ST3GAL1: variants seen among roughly 807,000 people sequenced by gnomAD.
ST3GAL1 encodes the protein ST3 beta-galactoside alpha-2,3-sialyltransferase 1.
ST3GAL1 carries 16 observed loss-of-function variants against 34.1 expected under a neutral mutation model. The ratio of observed to expected loss-of-function variants is 0.47; its 90% CI spans 0.32 to 0.71. The LOEUF (loss-of-function observed/expected upper bound fraction) is 0.71, where lower values mean the gene tolerates loss of function less well. ST3GAL1 is among the 30% of genes least tolerant of loss of function. The pLI is 0.04. For synonymous variants in ST3GAL1, 191 were observed against 184.7 expected (o/e 1.03, Z -0.28); for missense variants, 353 against 447.4 (o/e 0.79, Z 1.90).
intron 6 of ST3GAL1, 182 bp downstream of exon 6, chr8:133,465,712 G>T: frequency 1.7e-6 from 1 of 598,080 alleles, no homozygotes; most frequent in Non-Finnish European, 2.8e-6. Flanking sequence ...TTCCAATCCT[G>T]CAATGATGCA....
rs558267203 is a variant in ST3GAL1 at position 133,522,425 on chromosome 8, C to T, written c.-428-23236G>A. Among the ~76,000 whole-genome samples the T allele has an allele frequency of 7.2e-5, 11 of 152,268 alleles. No homozygotes were observed. The East Asian group carries it at 2.1e-3, about 29-fold the overall frequency. ...GCACAGTGTGGTTTGATCTCTACCC[C>T]TCTGGAAATGTGTTGCAATTCCAAG... On this transcript the variant is annotated intron_variant, in intron 2 of 9. Coordinates refer to ENST00000522652, the MANE Select transcript of ST3GAL1 (RefSeq NM_173344.3).
At chr8:133,505,182 C>T (rs1038697076) in intron 2 of ST3GAL1, among the ~76,000 whole-genome samples, 1 of 152,164 alleles carries the variant, frequency 6.6e-6, no homozygotes, top group Non-Finnish European at 1.5e-5. Flanking sequence ...GAAGCACTGA[C>T]AGCCTTCTTT....
At position 133,465,935 on chromosome 8, in the gene ST3GAL1, A is replaced by G. The variant is rs112787936; in HGVS notation, c.462T>C (p.Ser154=). 3,763 of 1,614,160 alleles carry G rather than the reference A, an allele frequency of 2.3e-3. 78 individuals are homozygous for G. The African/African-American group carries it at 0.044, about 19-fold the overall frequency. The change falls in exon 6 of 10, where the codon TCT becomes TCC. Residue 154 remains serine, a synonymous_variant. Coordinates refer to ENST00000522652, the MANE Select transcript of ST3GAL1 (RefSeq NM_173344.3). Reference sequence around the variant, plus strand: ...GACTGTCTATCTCAGGCCCATAAGAAGACTCCCTCAGGTTGCCCGAGTTGC... The same window carrying G: ...GACTGTCTATCTCAGGCCCATAAGAGGACTCCCTCAGGTTGCCCGAGTTGC... ...VVGNSGNLRE[S]SYGPEIDSHD...
At chr8:133,530,646 T>C (rs1160188779) in intron 2 of ST3GAL1, among the ~76,000 whole-genome samples, 1 of 152,152 alleles carries the variant, frequency 6.6e-6, no homozygotes, top group East Asian at 1.9e-4. Flanking sequence ...GCTTTTGTTG[T>C]TGTTGTTCTT....
intron 3 of ST3GAL1, among the ~76,000 whole-genome samples, chr8:133,490,888 G>GC (rs1193775342): frequency 1.3e-5 from 2 of 152,182 alleles, no homozygotes. Context: ...GTCTCCATGA[G>GC]CATGACTTGG....
intron 7 of ST3GAL1, 93 bp downstream of exon 7, chr8:133,464,685 C>T (rs111317929): frequency 2.8e-6 from 4 of 1,428,390 alleles, no homozygotes; most frequent in African/African-American, 2.8e-5. Context: ...GGAGGCACCC[C>T]GGTGGAGGCA....
At chr8:133,568,480 G>A (rs116030755) in intron 1 of ST3GAL1, among the ~76,000 whole-genome samples, 1,816 of 152,254 alleles carry the variant, frequency 0.012, 29 homozygotes, top group African/African-American at 0.041. Flanking sequence ...CTTTGTGACC[G>A]GGCCAGCTCT....
At chr8:133,464,321 T>C (rs1275039720) in intron 7 of ST3GAL1, among the ~76,000 whole-genome samples, 1 of 152,218 alleles carries the variant, frequency 6.6e-6, no homozygotes, top group Admixed American at 6.5e-5. Context: ...ACAGCCGCGT[T>C]GCTCAGCACT....
At chr8:133,551,878 T>C (rs952897701) in intron 1 of ST3GAL1, among the ~76,000 whole-genome samples, 9 of 152,232 alleles carry the variant, frequency 5.9e-5, no homozygotes, top group Non-Finnish European at 1.3e-4. Context: ...TCCTTGGATG[T>C]GTATACTATG....
At chr8:133,558,744 A>AT (rs1301452645) in intron 1 of ST3GAL1, among the ~76,000 whole-genome samples, 1 of 152,102 alleles carries the variant, frequency 6.6e-6, no homozygotes, top group East Asian at 1.9e-4. Flanking sequence ...CAGCCAGTAT[A>AT]TTTTTTTCTC....
intron 2 of ST3GAL1, among the ~76,000 whole-genome samples, chr8:133,541,040 TAGAC>T (rs1408106800): frequency 9.9e-6 from 1 of 100,858 alleles, no homozygotes; most frequent in Non-Finnish European, 2.1e-5. Context: ...TAGACATATA[TAGAC>T]ATATATATAG....
intron 2 of ST3GAL1, among the ~76,000 whole-genome samples, chr8:133,514,886 AG>A (rs1044140735): frequency 2.0e-5 from 3 of 151,968 alleles, no homozygotes; most frequent in African/African-American, 7.3e-5. Flanking sequence ...CCAAGGCAGG[AG>A]GGAAGCAACA....
In ST3GAL1 at chr8:133,570,567, T is replaced by C. The variant is rs1819537420; in HGVS notation, c.-582+1126A>G. On this transcript the variant is annotated intron_variant, in intron 1 of 9. Transcript: ENST00000522652. The surrounding 1 kb of genome is among the most constrained non-coding windows in gnomAD (Gnocchi z 5.6). ...CCAGCTGACGAGCAGAGCCAGACGA[T>C]CCCCACACGCTTCCTGGGAGACCCG... 6.6e-6 allele frequency among the ~76,000 whole-genome samples: 1 copy of C among 151,870 alleles called. No individual in the cohort carries two copies. The highest frequency in any genetic ancestry group is 2.4e-5 in the African/African-American group (1 of 41,326).
Position 133,461,285 on chromosome 8 carries a change from G to C in ST3GAL1, c.849+590C>G, listed in dbSNP as rs986827422. The stretch of plus-strand genomic sequence containing the variant: ...CAACATCAGGGAGGAAGTGGGGGCT[G>C]TGTGGCCTGCCCTCCTGCCCCTCTT... On this transcript the variant is annotated intron_variant, in intron 9 of 9. Coordinates refer to ENST00000522652, the MANE Select transcript of ST3GAL1 (RefSeq NM_173344.3). This position sits in a 1 kb window ranked among gnomAD's most constrained non-coding sequence, Gnocchi z 4.7. 2.6e-5 allele frequency among the ~76,000 whole-genome samples: 4 copies of C among 152,216 alleles called. No individual in the cohort carries two copies. Among genetic ancestry groups the C allele is most frequent in the Admixed American group, 2.6e-4 (4 of 15,288 alleles).
intron 2 of ST3GAL1, among the ~76,000 whole-genome samples, chr8:133,505,701 C>G (rs1490422753): frequency 6.6e-6 from 1 of 151,788 alleles, no homozygotes; most frequent in Non-Finnish European, 1.5e-5. Flanking sequence ...CTCCTGGGTT[C>G]AAGCGAGTCT....
At chr8:133,533,916 G>C (rs1174183093) in intron 2 of ST3GAL1, among the ~76,000 whole-genome samples, 2 of 152,214 alleles carry the variant, frequency 1.3e-5, no homozygotes, top group Non-Finnish European at 2.9e-5. Context: ...GCAACAGGGA[G>C]AGATGAGTAC....
rs529139900 is a variant in ST3GAL1 at position 133,460,059 on chromosome 8, T to C, written c.850-122A>G. On this transcript the variant is annotated intron_variant, in intron 9 of 9. Coordinates refer to ENST00000522652, the MANE Select transcript of ST3GAL1 (RefSeq NM_173344.3). ...CCATAAACAGCATTTCCAAGGACTC[T>C]GACTAACCCTTCATTAAAAACCCTT... 1.1e-5 allele frequency: 11 copies of C among 1,026,008 alleles called. No individual in the cohort carries two copies. In the East Asian group the frequency reaches 2.5e-4, roughly 23 times the overall value. The allele number at this position is 1,026,008 out of a possible 1,614,324, so 63.6% of individuals were successfully genotyped here. A position where few individuals can be genotyped will look rare whatever the true frequency, so the allele number is the denominator to read the frequency against.
At position 133,466,549 on chromosome 8, in the gene ST3GAL1, C is replaced by T. The variant is rs1815739899; in HGVS notation, c.307-459G>A. 6.6e-6 allele frequency among the ~76,000 whole-genome samples: 1 copy of T among 152,192 alleles called. No individual in the cohort carries two copies. The highest frequency in any genetic ancestry group is 1.5e-5 in the Non-Finnish European group (1 of 68,046). On this transcript the variant is annotated intron_variant, in intron 5 of 9. Transcript: ENST00000522652. The surrounding 1 kb of genome is among the most constrained non-coding windows in gnomAD (Gnocchi z 4.4). ...AGCTGTGTCTTACTCCCACCCTGCT[C>T]AGACACCAGGGCCCAGGGGTTGCGT...
intron 5 of ST3GAL1, among the ~76,000 whole-genome samples, chr8:133,472,993 A>G (rs1816026567): frequency 6.6e-6 from 1 of 152,186 alleles, no homozygotes; most frequent in Admixed American, 6.5e-5. Context: ...AACACGAAGG[A>G]GGCTGAGACT....
Sources: allele counts gnomAD v4.1 joint callset (sites outside exome capture counted in the v4.1 genomes callset), GRCh38; gene constraint gnomAD v4.1.1; non-coding constraint Gnocchi (gnomAD v3.1); transcripts MANE v1.5; gene names NCBI Gene and HGNC (gene_info 2026-07-23, HGNC 2026-07-21).